HCLS1: variants seen among roughly 807,000 people sequenced by gnomAD.
The protein encoded by HCLS1 is hematopoietic lineage cell-specific protein.
HCLS1 carries 44 observed loss-of-function variants against 68.6 expected under a neutral mutation model. The ratio of observed to expected loss-of-function variants is 0.64; its 90% CI spans 0.50 to 0.82. The LOEUF is 0.82. Ranked by LOEUF, HCLS1 falls within the 40% of genes least tolerant of loss-of-function variation. HCLS1 has a pLI of 0.00. For missense variants in HCLS1, 602 were observed against 612.1 expected, an observed-to-expected ratio of 0.98 and a Z score of 0.17; for synonymous variants, 217 against 225.8, an observed-to-expected ratio of 0.96 and a Z score of 0.35.
At chr3:121,632,792 A>G (rs550566345) in intron 11 of HCLS1, among the ~76,000 whole-genome samples, 2 of 146,962 alleles carry the variant, frequency 1.4e-5, no homozygotes, top group South Asian at 4.6e-4. Context: ...AAGAGAATGT[A>G]AAAGGTGTGA....
At chr3:121,654,757 G>GT (rs1937824682) in intron 3 of HCLS1, among the ~76,000 whole-genome samples, 1 of 152,102 alleles carries the variant, frequency 6.6e-6, no homozygotes. Flanking sequence ...TTGTTTGTTT[G>GT]TTTTTTGTTT....
At chr3:121,649,208 T>C (rs1278158318) in intron 3 of HCLS1, among the ~76,000 whole-genome samples, 1 of 152,118 alleles carries the variant, frequency 6.6e-6, no homozygotes, top group African/African-American at 2.4e-5. Flanking sequence ...CTTTAGGTTA[T>C]AGTGGAAGTC....
In HCLS1 at chr3:121,635,745, G is replaced by GGGC; in HGVS notation, c.678_680dup (p.Pro227dup). 6.2e-7 allele frequency: 1 copy of GGGC among 1,613,780 alleles called. No individual in the cohort carries two copies. The highest frequency in any genetic ancestry group is 8.5e-7 in the Non-Finnish European group (1 of 1,179,696). ...ATCACTAAGCCTCACCGGCTTCTAT[G>GGGC]GGCGTCGTCTTCTTATAAGCTGTGG... On this transcript the variant is annotated inframe_insertion, in exon 9 of 14. Transcript: ENST00000314583.
Position 121,647,402 on chromosome 3 carries a change from T to G in HCLS1, c.205A>C (p.Arg69=). Reference sequence around the variant, plus strand: ...GGCCCTGACTCCATCTCTTTCTTCCTGAGAACATCATGCTCCTCTGATACT... The same window carrying G: ...GGCCCTGACTCCATCTCTTTCTTCCGGAGAACATCATGCTCCTCTGATACT... ...NKVSEEHDVL[R]KKEMESGPKA... The change falls in exon 4 of 14, where the codon AGG becomes CGG. Residue 69 remains arginine (R), a synonymous_variant. Transcript: ENST00000314583. 1 of 1,614,040 alleles carries G rather than the reference T, an allele frequency of 6.2e-7. No individual in the cohort carries two copies. Among genetic ancestry groups the G allele is most frequent in the Non-Finnish European group, 8.5e-7 (1 of 1,179,888 alleles).
chr3:121,647,424 T>C lies in HCLS1; in HGVS notation c.183A>G (p.Val61=), dbSNP rs267599568. 10 of 1,614,152 alleles carry C rather than the reference T, an allele frequency of 6.2e-6. No homozygotes were observed. The highest frequency in any genetic ancestry group is 2.2e-5 in the East Asian group (1 of 44,884). ...HINIHQLRNK[V]SEEHDVLRKK... is the part of the protein sequence containing the mutation. ...TCCTGAGAACATCATGCTCCTCTGA[T>C]ACTTTGTTCCTCAGCTGGTGGATGC... The change falls in exon 4 of 14, where the codon GTA becomes GTG. Residue 61 remains valine (V), a synonymous_variant. Transcript: ENST00000314583.
At chr3:121,647,080 C>A (rs1304163695) in intron 4 of HCLS1, among the ~76,000 whole-genome samples, 4 of 149,360 alleles carry the variant, frequency 2.7e-5, no homozygotes, top group African/African-American at 9.8e-5. Context: ...CTCCCAGGTT[C>A]ACGCCATTCT....
chr3:121,635,567 C>T lies in HCLS1; in HGVS notation c.691+168G>A, dbSNP rs539352445. Among the ~76,000 whole-genome samples the T allele has an allele frequency of 4.6e-5, 7 of 152,158 alleles. No individual in the cohort carries two copies. The East Asian group carries it at 9.7e-4, about 21-fold the overall frequency. The stretch of plus-strand genomic sequence containing the variant: ...GCTGGGATTACAGATGTGAGCTCCG[C>T]CTTACCTGGTTTTTCTAGGAAAGAC... On this transcript the variant is annotated intron_variant, in intron 9 of 13. Coordinates refer to ENST00000314583, the MANE Select transcript of HCLS1 (RefSeq NM_005335.6).
intron 9 of HCLS1, 103 bp from the exon 10 acceptor site, chr3:121,634,521 A>C: frequency 9.1e-7 from 1 of 1,095,334 alleles, no homozygotes; most frequent in Non-Finnish European, 1.4e-6. Flanking sequence ...ATCCGGGAGG[A>C]GGGATTTGTG....
At position 121,634,515 on chromosome 3, in the gene HCLS1, G is replaced by GTTAAAAATCACAA. The variant is rs1354239196; in HGVS notation, c.692-98_692-97insTTGTGATTTTTAA. 14 of 1,131,818 alleles carry GTTAAAAATCACAA rather than the reference G, an allele frequency of 1.2e-5. No individual in the cohort carries two copies. In the African/African-American group the frequency reaches 1.7e-4, roughly 13 times the overall value. 70.1% of individuals were successfully genotyped at this position (1,131,818 alleles called of 1,614,324 possible). A position where few individuals can be genotyped will look rare whatever the true frequency, so the allele number is the denominator to read the frequency against. ...AAGAAGGGGAATCAGTTAAATATCC[G>GTTAAAAATCACAA]GGAGGAGGGATTTGTGGGACAGGAT... On this transcript the variant is annotated intron_variant, in intron 9 of 13. Coordinates refer to ENST00000314583, the MANE Select transcript of HCLS1 (RefSeq NM_005335.6).
intron 9 of HCLS1, among the ~76,000 whole-genome samples, chr3:121,635,366 C>T (rs2049141155): frequency 6.6e-6 from 1 of 151,780 alleles, no homozygotes; most frequent in African/African-American, 2.4e-5. Flanking sequence ...CGACTTCCGC[C>T]TCCTGGGTTC....
At chr3:121,653,672 G>T (rs1937799529) in intron 3 of HCLS1, 1 of 152,126 alleles carries the variant, frequency 6.6e-6, no homozygotes. Context: ...AGTCCCTAGA[G>T]CTCCAGAATT....
rs553776916 is a variant in HCLS1 at position 121,641,578 on chromosome 3, AT to A, written c.454+1348del. 9.7e-4 allele frequency among the ~76,000 whole-genome samples: 147 copies of A among 152,254 alleles called. 1 individual carries two copies. The highest frequency in any genetic ancestry group is 3.3e-3 in the African/African-American group (137 of 41,504). On this transcript the variant is annotated intron_variant, in intron 6 of 13. Coordinates refer to ENST00000314583, the MANE Select transcript of HCLS1 (RefSeq NM_005335.6). ...GGAATCAATAATAAGATGGAATAAG[AT>A]GGAACCAATATACTGAACAACAACA...
At chr3:121,653,837 T>C (rs1217265641) in intron 3 of HCLS1, 2 of 152,244 alleles carry the variant, frequency 1.3e-5, no homozygotes, top group Non-Finnish European at 2.9e-5. Flanking sequence ...CAGGAAGTGC[T>C]GAAAGATTAT....
At chr3:121,639,529 T>TG (rs1362153800) in intron 6 of HCLS1, among the ~76,000 whole-genome samples, 2,471 of 147,692 alleles carry the variant, frequency 0.017, 63 homozygotes, top group African/African-American at 0.057. Flanking sequence ...TGATTTTATT[T>TG]TTTGTTGTTG....
intron 6 of HCLS1, among the ~76,000 whole-genome samples, chr3:121,642,702 G>C (rs1031773407): frequency 6.6e-6 from 1 of 152,062 alleles, no homozygotes; most frequent in Non-Finnish European, 1.5e-5. Context: ...CTTGAGCCCA[G>C]GAAGTCGAAG....
chr3:121,633,381 A>G (rs1032384935), intron 10 of HCLS1, among the ~76,000 whole-genome samples: 5 of 151,906 alleles, frequency 3.3e-5, no homozygotes, highest in African/African-American at 1.2e-4. Flanking sequence ...ATGCCTGGCT[A>G]ATTTTTGTAT....
At chr3:121,633,221 CTT>C (rs58527943) in intron 10 of HCLS1, 50 bp from the exon 11 acceptor site, 1,319 of 964,700 alleles carry the variant, frequency 1.4e-3, no homozygotes, top group Non-Finnish European at 1.5e-3. Flanking sequence ...ATCTTCACTC[CTT>C]TTTTTTTTTT....
At chr3:121,643,187 T>A (rs1470187828) in intron 5 of HCLS1, 1 of 472,190 alleles carries the variant, frequency 2.1e-6, no homozygotes, top group African/African-American at 1.9e-5. Flanking sequence ...AGTTTTAGGT[T>A]CAAACCCTAC....
At chr3:121,635,062 G>A (rs2049135892) in intron 9 of HCLS1, among the ~76,000 whole-genome samples, 1 of 151,958 alleles carries the variant, frequency 6.6e-6, no homozygotes, top group African/African-American at 2.4e-5. Context: ...TCCTGTCCCT[G>A]TGTGTTCTTC....
Sources: allele counts gnomAD v4.1 joint callset (sites outside exome capture counted in the v4.1 genomes callset), GRCh38; gene constraint gnomAD v4.1.1; transcripts MANE v1.5; gene names NCBI Gene and HGNC (gene_info 2026-07-23, HGNC 2026-07-21).